SEC24B: variants seen among roughly 807,000 people sequenced by gnomAD.
The protein encoded by SEC24B is SEC24 homolog B, COPII component.
Under a neutral mutation model 142.8 loss-of-function variants are expected in SEC24B, and 45 were observed. That is an observed-to-expected ratio of 0.32 (90% CI 0.25 to 0.40). SEC24B has a LOEUF of 0.40. SEC24B is among the 10% of genes least tolerant of loss of function. SEC24B has a pLI of 1.00. For synonymous variants in SEC24B, 574 were observed against 568.2 expected (o/e 1.01, Z -0.15); for missense variants, 1,409 against 1,526.8 (o/e 0.92, Z 1.29).
intron 3 of SEC24B, among the ~76,000 whole-genome samples, chr4:109,480,822 G>A (rs59219050): frequency 3.3e-4 from 50 of 152,190 alleles, no homozygotes; most frequent in African/African-American, 1.2e-3. Flanking sequence ...TCTTAAAAAC[G>A]GTATATATGT....
chr4:109,516,584 A>C lies in SEC24B; in HGVS notation c.2070A>C (p.Ala690=). ...TTGTTTTAGATGTGTCTCATAATGC[A>C]GTGGAAGCTGGATATTTGACAATTT... ...YLFVLDVSHN[A]VEAGYLTILC... is the part of the protein sequence containing the mutation. Residue 690 remains alanine (A), a synonymous_variant, in exon 11 of 24, where the codon GCA becomes GCC. Coordinates refer to ENST00000265175, the MANE Select transcript of SEC24B (RefSeq NM_006323.5). 1 of 1,613,372 alleles carries C rather than the reference A, an allele frequency of 6.2e-7. No homozygotes were observed. The highest frequency in any genetic ancestry group is 1.1e-5 in the South Asian group (1 of 90,986).
At chr4:109,516,394 A>C (rs897658699) in intron 10 of SEC24B, 134 bp from the exon 11 acceptor site, 3 of 587,044 alleles carry the variant, frequency 5.1e-6, no homozygotes, top group African/African-American at 1.9e-5. Flanking sequence ...TCATGAGCAC[A>C]TATTACAAAA....
chr4:109,507,930 C>T (rs1033199654), intron 7 of SEC24B, among the ~76,000 whole-genome samples: 1 of 152,172 alleles, frequency 6.6e-6, no homozygotes, highest in African/African-American at 2.4e-5. Context: ...CAGGCGTGAG[C>T]CACTGTGCCC....
At position 109,516,638 on chromosome 4, in the gene SEC24B, C is replaced by G. The variant is rs377270592; in HGVS notation, c.2124C>G (p.Asp708Glu). 2 of 1,537,964 alleles carry G rather than the reference C, an allele frequency of 1.3e-6. No homozygotes were observed. The highest frequency in any genetic ancestry group is 1.4e-5 in the African/African-American group (1 of 73,034). Residue 708 changes from aspartate (D) to glutamate (E), a missense_variant and splice_region_variant, in exon 11 of 24, where the codon GAC (aspartate) becomes GAG (glutamate). Coordinates refer to ENST00000265175, the MANE Select transcript of SEC24B (RefSeq NM_006323.5). Reference protein sequence around the residue: ...ILCQSLLENLDKLPGDSRTRI... With the variant: ...ILCQSLLENLEKLPGDSRTRI... Reference sequence around the variant, plus strand: ...GCCAGTCACTCCTAGAAAATCTAGACAAGTAAGAATATTTTTAATTCATAC... The same window carrying G: ...GCCAGTCACTCCTAGAAAATCTAGAGAAGTAAGAATATTTTTAATTCATAC...
In SEC24B at chr4:109,539,801, C is replaced by CT; in HGVS notation, c.*127dup. On this transcript the variant is annotated 3_prime_UTR_variant, in exon 24 of 24. Transcript: ENST00000265175. ...CAAGATGCAACGCACAGCACTCTGT[C>CT]TGAGGCTTTGGTAAAAAGTAAAGGG... 1 of 629,762 alleles carries CT rather than the reference C, an allele frequency of 1.6e-6. No individual in the cohort carries two copies. Among genetic ancestry groups the CT allele is most frequent in the South Asian group, 2.0e-5 (1 of 49,818 alleles). 39.0% of individuals were successfully genotyped at this position (629,762 alleles called of 1,614,324 possible).
chr4:109,469,254 C>T (rs559955293), intron 2 of SEC24B, among the ~76,000 whole-genome samples: 18 of 152,276 alleles, frequency 1.2e-4, no homozygotes, highest in African/African-American at 4.3e-4. Flanking sequence ...TTGTCAAATT[C>T]CCTTTGTGAA....
Position 109,511,938 on chromosome 4 carries a change from T to G in SEC24B, c.1777-19T>G. On this transcript the variant is annotated intron_variant, in intron 8 of 23. Transcript: ENST00000265175. The stretch of plus-strand genomic sequence containing the variant: ...TGGGGTGCCTTTTTCTGCTACAGCT[T>G]CTTTATTTTATTTCCTAGCAATTAC... 6.2e-7 allele frequency: 1 copy of G among 1,609,486 alleles called. No homozygotes were observed. The highest frequency in any genetic ancestry group is 8.5e-7 in the Non-Finnish European group (1 of 1,178,882).
chr4:109,451,606 A>G (rs1023524325), intron 1 of SEC24B, among the ~76,000 whole-genome samples: 1 of 152,006 alleles, frequency 6.6e-6, no homozygotes, highest in Non-Finnish European at 1.5e-5. Flanking sequence ...AAGTTACTCT[A>G]TCTTGTACTT....
Position 109,538,483 on chromosome 4 carries a change from C to T in SEC24B, c.3589-10C>T, listed in dbSNP as rs1411972660. The T allele has an allele frequency of 6.3e-7, 1 of 1,584,706 alleles. No homozygotes were observed. Among genetic ancestry groups the T allele is most frequent in the Admixed American group, 1.7e-5 (1 of 59,812 alleles). On this transcript the variant is annotated splice_polypyrimidine_tract_variant and intron_variant, in intron 22 of 23. Transcript: ENST00000265175. The stretch of plus-strand genomic sequence containing the variant: ...AAAGGAAAGTTTCCTAATTGTATTT[C>T]TTTTACCAGACACATCTTCCAGAGC...
chr4:109,516,795 A>G (rs1722983154), intron 11 of SEC24B, among the ~76,000 whole-genome samples, 155 bp downstream of exon 11: 1 of 152,190 alleles, frequency 6.6e-6, no homozygotes, highest in Non-Finnish European at 1.5e-5. Context: ...GAATGCAGAT[A>G]CTCGAGTTAT....
At chr4:109,492,066 AAAGCAGTT>A in intron 5 of SEC24B, among the ~76,000 whole-genome samples, 1 of 152,264 alleles carries the variant, frequency 6.6e-6, no homozygotes, top group Non-Finnish European at 1.5e-5. Context: ...ACTAACAGAA[AAAGCAGTT>A]TTGCCCTTCT....
intron 1 of SEC24B, among the ~76,000 whole-genome samples, chr4:109,446,958 AT>A (rs1174322163): frequency 2.6e-5 from 4 of 152,336 alleles, no homozygotes; most frequent in Admixed American, 2.6e-4. Flanking sequence ...CACTTGCAGA[AT>A]TTACAATTAG....
chr4:109,466,427 T>A (rs569782386), intron 2 of SEC24B, among the ~76,000 whole-genome samples: 1 of 152,208 alleles, frequency 6.6e-6, no homozygotes, highest in Non-Finnish European at 1.5e-5. Flanking sequence ...TGTTTTGTTT[T>A]TGAGATGGAG....
intron 4 of SEC24B, 41 bp downstream of exon 4, chr4:109,481,822 T>C (rs1415869260): frequency 1.3e-6 from 2 of 1,482,524 alleles, no homozygotes; most frequent in Admixed American, 1.8e-5. Context: ...CTTTTCCTGC[T>C]CAAGTTTTCT....
At chr4:109,487,062 G>A (rs567182524) in intron 4 of SEC24B, among the ~76,000 whole-genome samples, 1 of 151,772 alleles carries the variant, frequency 6.6e-6, no homozygotes, top group Admixed American at 6.6e-5. Flanking sequence ...CTGCTTTGGA[G>A]GCTGAGGCAG....
At chr4:109,434,904 A>G (rs568577311) in intron 1 of SEC24B, among the ~76,000 whole-genome samples, 1 of 152,306 alleles carries the variant, frequency 6.6e-6, no homozygotes, top group East Asian at 1.9e-4. Context: ...TGCATTCCCT[A>G]ATGCTGAGAT....
At chr4:109,531,302 C>T (rs1724903264) in intron 19 of SEC24B, 83 bp from the exon 20 acceptor site, 1 of 1,164,216 alleles carries the variant, frequency 8.6e-7, no homozygotes, top group East Asian at 2.4e-5. Flanking sequence ...ATGCTTTTTC[C>T]ATGATTGACA....
In SEC24B at chr4:109,479,934, C is replaced by A. The variant is rs1437047424; in HGVS notation, c.1061-1743C>A. On this transcript the variant is annotated intron_variant, in intron 3 of 23. Coordinates refer to ENST00000265175, the MANE Select transcript of SEC24B (RefSeq NM_006323.5). The stretch of plus-strand genomic sequence containing the variant: ...GGCTTTTTGTCAGAAGAATGTGCCA[C>A]TCTGAATTTGTTTTTGGTATTAAGT... 3.3e-5 allele frequency among the ~76,000 whole-genome samples: 5 copies of A among 152,302 alleles called. No homozygotes were observed. In the East Asian group the frequency reaches 9.6e-4, roughly 29 times the overall value.
intron 8 of SEC24B, among the ~76,000 whole-genome samples, chr4:109,510,747 T>C (rs1489563404): frequency 6.6e-6 from 1 of 152,324 alleles, no homozygotes; most frequent in East Asian, 1.9e-4. Context: ...ACTTCAAAAA[T>C]AATTTTATTC....
Sources: gnomAD v4.1 joint callset for allele counts (sites outside exome capture counted in the v4.1 genomes callset) on GRCh38, gnomAD v4.1.1 for gene constraint, MANE v1.5 for transcripts, NCBI Gene and HGNC (gene_info 2026-07-23, HGNC 2026-07-21) for gene names.